The following ERBB4 variants were observed in gnomAD, a reference collection of about 807,000 sequenced individuals.
ERBB4 encodes the protein receptor tyrosine-protein kinase erbB-4.
A neutral mutation model predicts 158.0 loss-of-function variants in ERBB4; 42 were observed. The observed-to-expected ratio is 0.27, with a 90% CI of 0.21 to 0.34. The LOEUF is 0.34. Among genes scored for constraint, ERBB4 ranks in the 10% least tolerant of loss-of-function variants. The pLI is 1.00. For synonymous variants in ERBB4, 583 were observed against 558.7 expected (o/e 1.04, Z -0.61); for missense variants, 1,333 against 1,624.1 (o/e 0.82, Z 3.08).
chr2:211,496,470 CA>C (rs1469940736), intron 20 of ERBB4, among the ~76,000 whole-genome samples: 12 of 151,926 alleles, frequency 7.9e-5, no homozygotes, highest in Middle Eastern at 3.4e-3. Context: ...AGGTCATAAC[CA>C]TTGATCGGTA....
intron 2 of ERBB4, among the ~76,000 whole-genome samples, chr2:212,077,952 T>C (rs1400593153): frequency 1.3e-5 from 2 of 152,042 alleles, no homozygotes; most frequent in East Asian, 1.9e-4. Context: ...AATAATAAAA[T>C]TATATTGGCA....
At chr2:212,005,747 T>C (rs934483873) in intron 2 of ERBB4, among the ~76,000 whole-genome samples, 1 of 152,190 alleles carries the variant, frequency 6.6e-6, no homozygotes, top group Non-Finnish European at 1.5e-5. Flanking sequence ...TTGCCAGTTA[T>C]TGAGCCAATT....
At chr2:212,432,915 G>C (rs558319351) in intron 1 of ERBB4, among the ~76,000 whole-genome samples, 1 of 151,994 alleles carries the variant, frequency 6.6e-6, no homozygotes, top group African/African-American at 2.4e-5. Context: ...GAATCATCTC[G>C]AAGTCTGATG....
rs1254531225 is a variant in ERBB4, at chr2:212,390,222, G to A, written c.82+148227C>T. ...TCATACCACAAAAGAAATTTTCACT[G>A]TTAATTGAGTTTATTAAGGATTTGT... On this transcript the variant is annotated intron_variant, in intron 1 of 27. Coordinates refer to ENST00000342788, the MANE Select transcript of ERBB4 (RefSeq NM_005235.3). 2.0e-5 allele frequency among the ~76,000 whole-genome samples: 3 copies of A among 151,824 alleles called. No homozygotes were observed. The East Asian group carries it at 5.8e-4, about 29-fold the overall frequency.
intron 19 of ERBB4, among the ~76,000 whole-genome samples, chr2:211,596,102 GT>G (rs1311320109): frequency 2.6e-5 from 4 of 151,898 alleles, no homozygotes; most frequent in Non-Finnish European, 5.9e-5. Flanking sequence ...TGAATGAAAT[GT>G]TTCAATACTG....
intron 3 of ERBB4, among the ~76,000 whole-genome samples, chr2:211,853,283 T>C (rs770945340): frequency 2.0e-5 from 3 of 152,002 alleles, no homozygotes; most frequent in Admixed American, 6.6e-5. Flanking sequence ...AATGAGTGAA[T>C]AGGTCCAGAG....
intron 19 of ERBB4, among the ~76,000 whole-genome samples, chr2:211,605,690 T>C (rs534636341): frequency 6.6e-5 from 10 of 152,282 alleles, no homozygotes; most frequent in African/African-American, 2.4e-4. Flanking sequence ...TGTATTTTCA[T>C]ACTATAGCTA....
intron 25 of ERBB4, among the ~76,000 whole-genome samples, chr2:211,403,684 C>A (rs2063091325): frequency 6.6e-6 from 1 of 152,182 alleles, no homozygotes; most frequent in Non-Finnish European, 1.5e-5. Context: ...AATGCCAATT[C>A]TTTAAGAATC....
At chr2:211,431,124 T>G in intron 20 of ERBB4, 24 bp from the exon 21 acceptor site, 2 of 1,608,998 alleles carry the variant, frequency 1.2e-6, no homozygotes, top group Non-Finnish European at 1.7e-6. Flanking sequence ...AGTTCCTTAA[T>G]GATATTCAGT....
At chr2:212,246,277 G>A (rs1033436967) in intron 1 of ERBB4, among the ~76,000 whole-genome samples, 1 of 152,132 alleles carries the variant, frequency 6.6e-6, no homozygotes. Flanking sequence ...TGTTTTAAAA[G>A]CTTGAATTAA....
chr2:211,874,522 G>A (rs150311691), intron 3 of ERBB4, among the ~76,000 whole-genome samples: 90 of 152,194 alleles, frequency 5.9e-4, no homozygotes, highest in African/African-American at 2.2e-3. Context: ...TATCTCCTTT[G>A]ATAAATTAGG....
intron 2 of ERBB4, among the ~76,000 whole-genome samples, chr2:212,119,781 A>G (rs1156276337): frequency 6.6e-6 from 1 of 152,196 alleles, no homozygotes; most frequent in Non-Finnish European, 1.5e-5. Context: ...AGAGATAAGC[A>G]TCAAGATTGC....
chr2:212,121,891 C>A (rs1283048533), intron 2 of ERBB4, among the ~76,000 whole-genome samples: 2 of 152,066 alleles, frequency 1.3e-5, no homozygotes, highest in African/African-American at 4.8e-5. Flanking sequence ...TGTTCATTTT[C>A]TCAGGATTTA....
At chr2:212,457,615 T>C (rs1688364673) in intron 1 of ERBB4, among the ~76,000 whole-genome samples, 1 of 152,108 alleles carries the variant, frequency 6.6e-6, no homozygotes, top group African/African-American at 2.4e-5. Context: ...TAATTACTTC[T>C]ACATCTGTTA....
At chr2:211,558,866 T>A (rs780093600) in intron 20 of ERBB4, among the ~76,000 whole-genome samples, 11 of 152,176 alleles carry the variant, frequency 7.2e-5, no homozygotes, top group Non-Finnish European at 1.3e-4. Flanking sequence ...GCTAACTACA[T>A]GTAAGATCCA....
At chr2:211,682,449 T>C (rs1226784290) in intron 12 of ERBB4, among the ~76,000 whole-genome samples, 1 of 152,176 alleles carries the variant, frequency 6.6e-6, no homozygotes, top group Non-Finnish European at 1.5e-5. Context: ...ATTCAAATGC[T>C]AACCTCATTT....
chr2:211,550,243 C>G (rs1559285879), intron 20 of ERBB4, among the ~76,000 whole-genome samples: 1 of 151,900 alleles, frequency 6.6e-6, no homozygotes, highest in Non-Finnish European at 1.5e-5. Context: ...AATAGTCACC[C>G]TTCTGTACCT....
At chr2:212,411,345 A>G (rs1009996116) in intron 1 of ERBB4, among the ~76,000 whole-genome samples, 4 of 152,156 alleles carry the variant, frequency 2.6e-5, no homozygotes, top group Non-Finnish European at 4.4e-5. Context: ...GAGACCTCCT[A>G]TAAGTTTTAG....
intron 2 of ERBB4, among the ~76,000 whole-genome samples, chr2:212,118,782 C>T (rs1222016292): frequency 6.6e-6 from 1 of 151,938 alleles, no homozygotes; most frequent in Non-Finnish European, 1.5e-5. Flanking sequence ...AGCCATATAG[C>T]TCTGCCAAAT....
Sources: allele counts gnomAD v4.1 joint callset (sites outside exome capture counted in the v4.1 genomes callset), GRCh38; gene constraint gnomAD v4.1.1; transcripts MANE v1.5; gene names NCBI Gene and HGNC (gene_info 2026-07-23, HGNC 2026-07-21).